ADGRD1: variants seen among roughly 807,000 people sequenced by gnomAD.
The protein encoded by ADGRD1 is G-protein coupled receptor 133.
In ADGRD1, 77 loss-of-function variants were observed where a neutral mutation model predicts 113.4. The ratio of observed to expected loss-of-function variants is 0.68; its 90% CI spans 0.57 to 0.82. The LOEUF (loss-of-function observed/expected upper bound fraction) is 0.82, where lower values mean the gene tolerates loss of function less well. ADGRD1 is among the 40% of genes least tolerant of loss of function. The pLI is 0.00. For missense variants in ADGRD1, 1,036 were observed against 1,139.1 expected, an observed-to-expected ratio of 0.91 and a Z score of 1.30; for synonymous variants, 474 against 475.0, an observed-to-expected ratio of 1.00 and a Z score of 0.03.
At chr12:131,053,363 G>A (rs970250872) in intron 13 of ADGRD1, among the ~76,000 whole-genome samples, 8 of 152,308 alleles carry the variant, frequency 5.3e-5, no homozygotes, top group Admixed American at 1.3e-4. Context: ...TTGGAAACCC[G>A]TCTTCATTCG....
At chr12:131,000,086 C>T (rs937295162) in intron 8 of ADGRD1, among the ~76,000 whole-genome samples, 9 of 152,200 alleles carry the variant, frequency 5.9e-5, no homozygotes, top group South Asian at 2.1e-4. Flanking sequence ...GAGGGCCTGC[C>T]GTGTCCCCCA....
intron 14 of ADGRD1, among the ~76,000 whole-genome samples, chr12:131,082,532 C>T (rs776521057): frequency 2.6e-5 from 4 of 152,132 alleles, no homozygotes; most frequent in Non-Finnish European, 5.9e-5. Context: ...GAAGGGGCAG[C>T]TCATACCCGT....
chr12:131,038,119 T>G (rs893536199), intron 13 of ADGRD1, among the ~76,000 whole-genome samples: 2 of 152,244 alleles, frequency 1.3e-5, no homozygotes, highest in Non-Finnish European at 2.9e-5. Flanking sequence ...TGGGTCTCAC[T>G]CACTGCATCA....
intron 21 of ADGRD1, among the ~76,000 whole-genome samples, chr12:131,133,010 T>C (rs149000189): frequency 6.6e-6 from 1 of 152,340 alleles, no homozygotes; most frequent in Non-Finnish European, 1.5e-5. Context: ...TGCAGCCTCC[T>C]TGGGCTGTTC....
chr12:131,046,624 G>T (rs111346733), intron 13 of ADGRD1, among the ~76,000 whole-genome samples: 4,045 of 57,844 alleles, frequency 0.07, 187 homozygotes, highest in Non-Finnish European at 0.092. Flanking sequence ...CCCTCCCTGG[G>T]CAGTGTCCTC....
chr12:131,058,269 A>G (rs1269793925), intron 13 of ADGRD1, among the ~76,000 whole-genome samples: 1 of 152,034 alleles, frequency 6.6e-6, no homozygotes, highest in Non-Finnish European at 1.5e-5. Context: ...TGCTTGCTGG[A>G]TTCTAGGGAA....
chr12:131,110,899 C>CT (rs1347055448), intron 18 of ADGRD1, among the ~76,000 whole-genome samples: 5 of 152,118 alleles, frequency 3.3e-5, no homozygotes, highest in Non-Finnish European at 7.4e-5. Context: ...ATATAAGATT[C>CT]TTTTTTGCTT....
chr12:131,063,387 G>A (rs916366852), intron 13 of ADGRD1, among the ~76,000 whole-genome samples: 1 of 152,068 alleles, frequency 6.6e-6, no homozygotes, highest in Non-Finnish European at 1.5e-5. Flanking sequence ...CAAACTCTTG[G>A]TCCCAAAGAT....
chr12:130,986,921 G>A (rs1873760988), intron 5 of ADGRD1, 174 bp from the exon 6 acceptor site: 2 of 599,376 alleles, frequency 3.3e-6, no homozygotes, highest in Non-Finnish European at 5.9e-6. Flanking sequence ...TCCTTCCTGT[G>A]CTCCAAAGGA....
chr12:130,963,139 T>G (rs999306604), intron 2 of ADGRD1: 1 of 151,852 alleles, frequency 6.6e-6, no homozygotes, highest in Non-Finnish European at 1.5e-5. Context: ...GCTAACACAG[T>G]GAAACCCCAT....
chr12:130,986,837 C>A (rs772568600), intron 5 of ADGRD1: 15 of 456,814 alleles, frequency 3.3e-5, no homozygotes, highest in African/African-American at 2.9e-4. Flanking sequence ...GAATTTGTAA[C>A]TACTATGTTA....
intron 5 of ADGRD1, among the ~76,000 whole-genome samples, chr12:130,985,028 G>A (rs1873482784): frequency 6.6e-6 from 1 of 151,850 alleles, no homozygotes; most frequent in Non-Finnish European, 1.5e-5. Flanking sequence ...TTTAACTCCA[G>A]GGCTCAGGTG....
In ADGRD1 at chr12:130,971,360, A is replaced by T. The variant is rs1871626348; in HGVS notation, c.188-98A>T. ...TATATACTTAGATAAATAATAATGC[A>T]TACTTACACATAAGTTATTTGTAGG... On this transcript the variant is annotated intron_variant, in intron 3 of 24. Transcript: ENST00000261654. This position sits in a 1 kb window ranked among gnomAD's most constrained non-coding sequence, Gnocchi z 4.2. 3 of 742,390 alleles carry T rather than the reference A, an allele frequency of 4.0e-6. No homozygotes were observed. The highest frequency in any genetic ancestry group is 6.4e-6 in the Non-Finnish European group (3 of 467,162). The allele number at this position is 742,390 out of a possible 1,614,324, so 46.0% of individuals were successfully genotyped here. A position where few individuals can be genotyped will look rare whatever the true frequency, so the allele number is the denominator to read the frequency against.
At chr12:131,126,708 C>T (rs1456183613) in intron 20 of ADGRD1, among the ~76,000 whole-genome samples, 2 of 152,206 alleles carry the variant, frequency 1.3e-5, no homozygotes, top group Non-Finnish European at 2.9e-5. Context: ...AGTTCTACTG[C>T]CTCCATGTGC....
chr12:131,031,904 T>C lies in ADGRD1; in HGVS notation c.1473+17564T>C, dbSNP rs533880191. On this transcript the variant is annotated intron_variant, in intron 13 of 24. Coordinates refer to ENST00000261654, the MANE Select transcript of ADGRD1 (RefSeq NM_198827.5). ...ATGCCAGGTGCCTACCTGCCTTCCCTGTGGGAAGCTGGGGAGCCATTTGTG... is the reference window on the plus strand; with the variant it reads ...ATGCCAGGTGCCTACCTGCCTTCCCCGTGGGAAGCTGGGGAGCCATTTGTG... Among the ~76,000 whole-genome samples, 14 of 152,318 alleles carry C rather than the reference T, an allele frequency of 9.2e-5. No homozygotes were observed. The East Asian group carries it at 2.1e-3, about 23-fold the overall frequency.
At chr12:131,045,750 G>T (rs373887238) in intron 13 of ADGRD1, among the ~76,000 whole-genome samples, 5 of 152,140 alleles carry the variant, frequency 3.3e-5, no homozygotes, top group African/African-American at 1.2e-4. Flanking sequence ...CTCCTTGGGG[G>T]ACAAAGCACC....
chr12:130,973,140 G>A (rs1476665985), intron 4 of ADGRD1: 2 of 152,202 alleles, frequency 1.3e-5, no homozygotes, highest in Non-Finnish European at 2.9e-5. Flanking sequence ...AAGTCGCGGT[G>A]GCCCTGGACT....
Position 131,003,354 on chromosome 12 carries a change from C to CAG in ADGRD1, c.1144+52_1144+53insAG. Reference sequence around the variant, plus strand: ...ACATGGCAGGGGCGGGGGCTGGAGGCTGCGTTTCACTGCCTGTCTTTTTAC... The same window carrying CAG: ...ACATGGCAGGGGCGGGGGCTGGAGGCAGTGCGTTTCACTGCCTGTCTTTTTAC... On this transcript the variant is annotated intron_variant, in intron 10 of 24. Transcript: ENST00000261654. This position sits in a 1 kb window ranked among gnomAD's most constrained non-coding sequence, Gnocchi z 4.8. 3 of 1,164,666 alleles carry CAG rather than the reference C, an allele frequency of 2.6e-6. No homozygotes were observed. Among genetic ancestry groups the CAG allele is most frequent in the Non-Finnish European group, 3.9e-6 (3 of 777,314 alleles). The allele number at this position is 1,164,666 out of a possible 1,614,324, so 72.1% of individuals were successfully genotyped here.
chr12:131,054,055 C>T (rs190816115), intron 13 of ADGRD1, among the ~76,000 whole-genome samples: 1 of 152,314 alleles, frequency 6.6e-6, no homozygotes, highest in Non-Finnish European at 1.5e-5. Flanking sequence ...AGAACCCAAA[C>T]CTGTATCAGA....
Sources: gnomAD v4.1 joint callset for allele counts (sites outside exome capture counted in the v4.1 genomes callset) on GRCh38, gnomAD v4.1.1 for gene constraint, Gnocchi (gnomAD v3.1) non-coding constraint, MANE v1.5 for transcripts, NCBI Gene and HGNC (gene_info 2026-07-23, HGNC 2026-07-21) for gene names.